Variants in LOC128125817 observed in about 807,000 individuals in gnomAD.
At chr1:41,621,068 C>T in the LOC128125817 span, among the ~76,000 whole-genome samples, 13 of 152,310 alleles carry the variant, frequency 8.5e-5, no homozygotes, top group African/African-American at 2.6e-4. Flanking sequence ...TTCCCAATTG[C>T]CCTTTGGGAG....
the LOC128125817 span, among the ~76,000 whole-genome samples, chr1:41,625,308 ACTT>A: frequency 6.6e-6 from 1 of 152,204 alleles, no homozygotes; most frequent in Non-Finnish European, 1.5e-5. Context: ...AGGTCAGCAA[ACTT>A]CTTCTGTAAA....
the LOC128125817 span, among the ~76,000 whole-genome samples, chr1:41,618,666 C>T: frequency 6.6e-6 from 1 of 151,118 alleles, no homozygotes; most frequent in East Asian, 1.9e-4. Flanking sequence ...TCCCTGACCA[C>T]CCCAGGCCCC....
chr1:41,592,656 G>C, the LOC128125817 span, among the ~76,000 whole-genome samples: 1 of 152,194 alleles, frequency 6.6e-6, no homozygotes, highest in South Asian at 2.1e-4. Flanking sequence ...TGGCTTCTCT[G>C]GGGGAAGGGC....
the LOC128125817 span, among the ~76,000 whole-genome samples, chr1:41,590,900 C>G: frequency 3.3e-5 from 5 of 152,138 alleles, no homozygotes; most frequent in South Asian, 1.0e-3. Context: ...GCAGCTGAAC[C>G]CTGGCTCCTC....
At chr1:41,624,884 G>A in the LOC128125817 span, among the ~76,000 whole-genome samples, 1 of 152,108 alleles carries the variant, frequency 6.6e-6, no homozygotes, top group African/African-American at 2.4e-5. Flanking sequence ...AGAATTCCTT[G>A]GCCAGGCGCG....
the LOC128125817 span, among the ~76,000 whole-genome samples, chr1:41,615,479 A>G: frequency 6.6e-6 from 1 of 152,264 alleles, no homozygotes; most frequent in South Asian, 2.1e-4. Context: ...ACAGGTGAAG[A>G]TGCTGGGCCC....
the LOC128125817 span, among the ~76,000 whole-genome samples, chr1:41,613,554 AG>A: frequency 6.6e-6 from 1 of 152,252 alleles, no homozygotes; most frequent in African/African-American, 2.4e-5. Flanking sequence ...TTCAGTTAAT[AG>A]TTTGCAGAAG....
the LOC128125817 span, among the ~76,000 whole-genome samples, chr1:41,598,554 G>C: frequency 6.6e-6 from 1 of 152,142 alleles, no homozygotes; most frequent in Non-Finnish European, 1.5e-5. Context: ...AGATATAACT[G>C]TATAGTAATG....
chr1:41,609,908 C>T, the LOC128125817 span, among the ~76,000 whole-genome samples: 26 of 152,366 alleles, frequency 1.7e-4, no homozygotes, highest in East Asian at 2.5e-3. Flanking sequence ...ATTTTTTAGA[C>T]AAGATTAACA....
At chr1:41,610,661 A>G in the LOC128125817 span, among the ~76,000 whole-genome samples, 1 of 152,208 alleles carries the variant, frequency 6.6e-6, no homozygotes, top group Non-Finnish European at 1.5e-5. Flanking sequence ...CCCACAGGCC[A>G]TGGTACCACC....
At chr1:41,614,205 G>A in the LOC128125817 span, among the ~76,000 whole-genome samples, 1 of 152,214 alleles carries the variant, frequency 6.6e-6, no homozygotes, top group Non-Finnish European at 1.5e-5. Context: ...TAGCACATGG[G>A]ACGGCACTCA....
chr1:41,596,318 G>A, the LOC128125817 span, among the ~76,000 whole-genome samples: 6 of 152,220 alleles, frequency 3.9e-5, no homozygotes, highest in African/African-American at 7.2e-5. Flanking sequence ...CTTCCAGGGT[G>A]ACCAGCCCCT....
At chr1:41,592,108 C>G in the LOC128125817 span, among the ~76,000 whole-genome samples, 1 of 152,134 alleles carries the variant, frequency 6.6e-6, no homozygotes, top group South Asian at 2.1e-4. Context: ...GGTCTCCTCA[C>G]CACAGGCAGC....
the LOC128125817 span, among the ~76,000 whole-genome samples, chr1:41,597,656 C>T: frequency 6.6e-6 from 1 of 152,160 alleles, no homozygotes; most frequent in African/African-American, 2.4e-5. Context: ...CTCAAGGCAG[C>T]CAGGCCACAC....
chr1:41,616,287 T>A, the LOC128125817 span, among the ~76,000 whole-genome samples: 2 of 152,220 alleles, frequency 1.3e-5, no homozygotes, highest in Admixed American at 6.5e-5. Flanking sequence ...AGCAGGGCAA[T>A]GGGCAGTGCT....
At chr1:41,611,427 G>T in the LOC128125817 span, among the ~76,000 whole-genome samples, 2 of 152,272 alleles carry the variant, frequency 1.3e-5, no homozygotes, top group African/African-American at 4.8e-5. Flanking sequence ...CATGTGCCAG[G>T]CTCTCTGCCG....
chr1:41,586,188 G>A, the LOC128125817 span, among the ~76,000 whole-genome samples: 1 of 152,218 alleles, frequency 6.6e-6, no homozygotes, highest in Non-Finnish European at 1.5e-5. Context: ...GAGGAGCAAA[G>A]TTGGTCTGCA....
the LOC128125817 span, among the ~76,000 whole-genome samples, chr1:41,607,450 A>G: frequency 6.6e-6 from 1 of 152,228 alleles, no homozygotes; most frequent in Non-Finnish European, 1.5e-5. Context: ...CTATCTTCAT[A>G]GCAACCTGCT....
At chr1:41,595,896 AT>A in the LOC128125817 span, among the ~76,000 whole-genome samples, 1 of 152,160 alleles carries the variant, frequency 6.6e-6, no homozygotes, top group African/African-American at 2.4e-5. Flanking sequence ...CAGACGGCCT[AT>A]TGTGGGACCT....
Sources: allele counts gnomAD v4.1 joint callset (sites outside exome capture counted in the v4.1 genomes callset), GRCh38; gene constraint gnomAD v4.1.1; transcripts MANE v1.5.